SYNDIG1: variants seen among roughly 807,000 people sequenced by gnomAD.
SYNDIG1 encodes the protein synapse differentiation inducing 1.
Under a neutral mutation model 19.4 loss-of-function variants are expected in SYNDIG1, and 9 were observed. The ratio of observed to expected loss-of-function variants is 0.46; its 90% CI spans 0.28 to 0.81. SYNDIG1 has a LOEUF of 0.81. Among genes scored for constraint, SYNDIG1 ranks in the 30% least tolerant of loss-of-function variants. SYNDIG1 has a pLI of 0.12. For missense variants in SYNDIG1, 311 were observed against 343.3 expected, an observed-to-expected ratio of 0.91 and a Z score of 0.74; for synonymous variants, 141 against 145.9, an observed-to-expected ratio of 0.97 and a Z score of 0.24.
chr20:24,568,023 C>T (rs2058082356), intron 2 of SYNDIG1, among the ~76,000 whole-genome samples: 1 of 152,020 alleles, frequency 6.6e-6, no homozygotes, highest in Non-Finnish European at 1.5e-5. Flanking sequence ...TGCCTGTAAT[C>T]CCAGCTACTT....
intron 1 of SYNDIG1, among the ~76,000 whole-genome samples, chr20:24,536,472 T>A (rs2057364028): frequency 6.6e-6 from 1 of 152,152 alleles, no homozygotes; most frequent in Non-Finnish European, 1.5e-5. Flanking sequence ...TTCAAGGCAC[T>A]AAGAAGCGCT....
intron 3 of SYNDIG1, among the ~76,000 whole-genome samples, chr20:24,613,918 G>C (rs1332764650): frequency 1.3e-5 from 2 of 152,246 alleles, no homozygotes; most frequent in African/African-American, 4.8e-5. Flanking sequence ...CCAGGTAGGG[G>C]AGAGAGGCTG....
rs1294255003 is a variant in SYNDIG1, at chr20:24,519,819, A to ACACG, written c.-78-23191_-78-23188dup. ...CTCTCCCTTAGACAGACAGACAGAC[A>ACACG]CACGCACGCACGCGCACATGCACAC... On this transcript the variant is annotated intron_variant, in intron 1 of 3. Coordinates refer to ENST00000376862, the MANE Select transcript of SYNDIG1 (RefSeq NM_024893.3). 2.0e-5 allele frequency among the ~76,000 whole-genome samples: 3 copies of ACACG among 151,744 alleles called. No homozygotes were observed. The East Asian group carries it at 5.8e-4, about 29-fold the overall frequency.
At chr20:24,626,298 A>G (rs1384511851) in intron 3 of SYNDIG1, among the ~76,000 whole-genome samples, 1 of 151,290 alleles carries the variant, frequency 6.6e-6, no homozygotes, top group East Asian at 2.0e-4. Context: ...AGCCGGGCGG[A>G]GGGGCTCCTC....
intron 3 of SYNDIG1, among the ~76,000 whole-genome samples, chr20:24,660,849 G>A (rs1004693031): frequency 6.6e-6 from 1 of 152,204 alleles, no homozygotes; most frequent in Admixed American, 6.5e-5. Flanking sequence ...GCCCAGCCAG[G>A]GGCTGGTCAT....
intron 2 of SYNDIG1, among the ~76,000 whole-genome samples, chr20:24,554,946 G>A (rs1252560166): frequency 6.6e-6 from 1 of 151,712 alleles, no homozygotes; most frequent in African/African-American, 2.4e-5. Context: ...GACTCTTTTT[G>A]GTTGGTAAGC....
At chr20:24,638,294 C>CAT (rs572083624) in intron 3 of SYNDIG1, among the ~76,000 whole-genome samples, 33 of 152,184 alleles carry the variant, frequency 2.2e-4, no homozygotes, top group African/African-American at 7.7e-4. Context: ...GACAAGTTTG[C>CAT]ATATATATAT....
chr20:24,558,578 A>G (rs981203404), intron 2 of SYNDIG1, among the ~76,000 whole-genome samples: 5 of 151,978 alleles, frequency 3.3e-5, no homozygotes, highest in African/African-American at 1.2e-4. Flanking sequence ...TGTTTTCTGC[A>G]TGTATCCTGG....
At chr20:24,627,823 C>T (rs537392202) in intron 3 of SYNDIG1, among the ~76,000 whole-genome samples, 1 of 152,366 alleles carries the variant, frequency 6.6e-6, no homozygotes, top group African/African-American at 2.4e-5. Flanking sequence ...CCCTCTTCAG[C>T]ACTTCTTAAT....
chr20:24,537,059 T>C (rs746969188), intron 1 of SYNDIG1, among the ~76,000 whole-genome samples: 6 of 152,152 alleles, frequency 3.9e-5, no homozygotes, highest in Non-Finnish European at 8.8e-5. Flanking sequence ...TCTATGATGA[T>C]CACATCCCAC....
intron 2 of SYNDIG1, among the ~76,000 whole-genome samples, chr20:24,548,399 C>G (rs2057633643): frequency 6.6e-6 from 1 of 152,246 alleles, no homozygotes; most frequent in African/African-American, 2.4e-5. Context: ...GCCTTCCAGT[C>G]TGTCTTCCCA....
chr20:24,654,646 GAGGGAGGAAGGA>G (rs1464172559), intron 3 of SYNDIG1, among the ~76,000 whole-genome samples: 2 of 106,162 alleles, frequency 1.9e-5, no homozygotes, highest in African/African-American at 7.8e-5. Flanking sequence ...GAGAGGGAGG[GAGGGAGGAAGGA>G]AGGAAGGAAG....
Position 24,665,514 on chromosome 20 carries a change from G to A in SYNDIG1, c.*10G>A, listed in dbSNP as rs748716057. ...GAACAACCACCTGTGAGCTTCCTGC[G>A]AATGGAGGGGGAGCACCCGGGGCCA... On this transcript the variant is annotated 3_prime_UTR_variant, in exon 4 of 4. Transcript: ENST00000376862. The A allele has an allele frequency of 4.8e-5, 77 of 1,613,734 alleles. No homozygotes were observed. The highest frequency in any genetic ancestry group is 2.1e-4 in the African/African-American group (16 of 74,908).
intron 3 of SYNDIG1, among the ~76,000 whole-genome samples, chr20:24,662,687 G>T (rs1353574834): frequency 1.3e-5 from 2 of 152,256 alleles, no homozygotes; most frequent in South Asian, 2.1e-4. Flanking sequence ...CAGGCACTGG[G>T]CACTGCTTGG....
chr20:24,510,999 T>C (rs910264408), intron 1 of SYNDIG1, among the ~76,000 whole-genome samples: 6 of 152,236 alleles, frequency 3.9e-5, no homozygotes, highest in African/African-American at 1.4e-4. Context: ...TCAGTAGTTA[T>C]TTTTATTTCA....
intron 3 of SYNDIG1, among the ~76,000 whole-genome samples, chr20:24,661,754 C>T (rs1418820667): frequency 6.6e-6 from 1 of 151,944 alleles, no homozygotes; most frequent in African/African-American, 2.4e-5. Flanking sequence ...GGCCACTCCC[C>T]CAACTAGAGC....
chr20:24,555,904 G>A (rs1464764848), intron 2 of SYNDIG1, among the ~76,000 whole-genome samples: 1 of 152,094 alleles, frequency 6.6e-6, no homozygotes, highest in Non-Finnish European at 1.5e-5. Context: ...TGACAGTGGG[G>A]TGTTAAAGTC....
At chr20:24,508,543 A>G (rs1180663551) in intron 1 of SYNDIG1, among the ~76,000 whole-genome samples, 1 of 152,186 alleles carries the variant, frequency 6.6e-6, no homozygotes, top group Non-Finnish European at 1.5e-5. Context: ...TAAATGTCAG[A>G]TAATTTCAAA....
At chr20:24,495,906 A>T (rs2056290152) in intron 1 of SYNDIG1, 1 of 152,082 alleles carries the variant, frequency 6.6e-6, no homozygotes, top group African/African-American at 2.4e-5. Flanking sequence ...GTGCAGCGTC[A>T]CGATCTCGGC....
Sources: allele counts gnomAD v4.1 joint callset (sites outside exome capture counted in the v4.1 genomes callset), GRCh38; gene constraint gnomAD v4.1.1; transcripts MANE v1.5; gene names NCBI Gene and HGNC (gene_info 2026-07-23, HGNC 2026-07-21).